The following KIFC3 variants were observed in gnomAD, a reference collection of about 807,000 sequenced individuals.
The protein encoded by KIFC3 is kinesin family member C3, also known as kinesin-like protein KIFC3.
Under a neutral mutation model 101.8 loss-of-function variants are expected in KIFC3, and 60 were observed. The observed-to-expected ratio is 0.59, with a 90% CI of 0.48 to 0.73. The LOEUF (loss-of-function observed/expected upper bound fraction) is 0.73. Among genes scored for constraint, KIFC3 ranks in the 30% least tolerant of loss-of-function variants. The pLI is 0.00. For missense variants in KIFC3, 966 were observed against 1,137.1 expected, an observed-to-expected ratio of 0.85 and a Z score of 2.16; for synonymous variants, 476 against 482.7, an observed-to-expected ratio of 0.99 and a Z score of 0.18.
chr16:57,823,761 T>TTGTGTGTGTGTGTG (rs542476459), intron 1 of KIFC3, among the ~76,000 whole-genome samples: 7,368 of 136,528 alleles, frequency 0.054, 286 homozygotes, highest in Non-Finnish European at 0.071. Context: ...CCCGGCTACT[T>TTGTGTGTGTGTGTG]TGTGTGTGTG....
chr16:57,853,568 G>A (rs1003326223), intron 1 of KIFC3, among the ~76,000 whole-genome samples: 2 of 152,290 alleles, frequency 1.3e-5, no homozygotes, highest in African/African-American at 2.4e-5. Context: ...ATCACATTAA[G>A]TGTAAATAGT....
At chr16:57,819,685 T>G (rs2055311014) in intron 1 of KIFC3, among the ~76,000 whole-genome samples, 1 of 152,022 alleles carries the variant, frequency 6.6e-6, no homozygotes, top group Admixed American at 6.6e-5. Context: ...CTCAGCCTCC[T>G]GAGTAGCTAG....
chr16:57,785,646 T>C, intron 3 of KIFC3: 1 of 1,253,206 alleles, frequency 8.0e-7, no homozygotes, highest in Non-Finnish European at 1.0e-6. Context: ...GAGCACCTCC[T>C]GCTGCCAAAG....
chr16:57,855,192 T>C (rs1045095027), intron 1 of KIFC3, among the ~76,000 whole-genome samples: 7 of 150,964 alleles, frequency 4.6e-5, no homozygotes, highest in Admixed American at 2.0e-4. Flanking sequence ...TGGTGTCATC[T>C]TGGCTCACTG....
chr16:57,850,678 G>T (rs543126150), intron 1 of KIFC3, among the ~76,000 whole-genome samples: 1 of 151,868 alleles, frequency 6.6e-6, no homozygotes, highest in South Asian at 2.1e-4. Flanking sequence ...GTCTTGCCAT[G>T]TTGGCCAGGC....
At chr16:57,785,201 T>C (rs2053186574) in intron 3 of KIFC3, among the ~76,000 whole-genome samples, 1 of 152,028 alleles carries the variant, frequency 6.6e-6, no homozygotes, top group African/African-American at 2.4e-5. Flanking sequence ...TGGCCCCTGG[T>C]AACCGCAAGG....
At position 57,769,452 on chromosome 16, in the gene KIFC3, G is replaced by T; in HGVS notation, c.1218+143C>A. 1.0e-6 allele frequency: 1 copy of T among 990,814 alleles called. No individual in the cohort carries two copies. The allele number at this position is 990,814 out of a possible 1,614,324, so 61.4% of individuals were successfully genotyped here. On this transcript the variant is annotated intron_variant, in intron 9 of 19. Coordinates refer to ENST00000445690, the MANE Select transcript of KIFC3 (RefSeq NM_001130100.2). This position sits in a 1 kb window ranked among gnomAD's most constrained non-coding sequence, Gnocchi z 4.3. Reference sequence around the variant, plus strand: ...GTTTCAAACAGGGCCTATAAGGGCAGCAGTAAGTGTCATGGGGGGTGGGGC... The same window carrying T: ...GTTTCAAACAGGGCCTATAAGGGCATCAGTAAGTGTCATGGGGGGTGGGGC...
chr16:57,792,062 G>A (rs1354203301), intron 3 of KIFC3, among the ~76,000 whole-genome samples: 8 of 152,194 alleles, frequency 5.3e-5, no homozygotes, highest in Non-Finnish European at 7.3e-5. Flanking sequence ...TCCCCTTGAA[G>A]GGTATGTGTT....
At chr16:57,815,499 C>G in intron 1 of KIFC3, 2 of 1,260,204 alleles carry the variant, frequency 1.6e-6, no homozygotes, top group Non-Finnish European at 2.1e-6. Flanking sequence ...CCTGGCTGAT[C>G]TGGGACCACA....
At position 57,758,540 on chromosome 16, in the gene KIFC3, C is replaced by T. The variant is rs782262046; in HGVS notation, c.*394G>A. ...CTGCCCAGAGGCTCCTCGCCCACCC[C>T]CTAAGGAGGGGGCTGGCCAGCTCTG... On this transcript the variant is annotated 3_prime_UTR_variant, in exon 20 of 20. Transcript: ENST00000445690. 6.7e-6 allele frequency: 4 copies of T among 597,100 alleles called. No homozygotes were observed. Among genetic ancestry groups the T allele is most frequent in the African/African-American group, 3.6e-5 (2 of 54,888 alleles). 37.0% of individuals were successfully genotyped at this position (597,100 alleles called of 1,614,324 possible). A position where few individuals can be genotyped will look rare whatever the true frequency, so the allele number is the denominator to read the frequency against.
intron 9 of KIFC3, among the ~76,000 whole-genome samples, chr16:57,768,734 A>C (rs2050794131): frequency 6.6e-6 from 1 of 152,234 alleles, no homozygotes; most frequent in African/African-American, 2.4e-5. Context: ...AAAATATATT[A>C]GTCTTTGCAA....
At chr16:57,826,094 T>C (rs149228764) in intron 1 of KIFC3, among the ~76,000 whole-genome samples, 2,393 of 152,364 alleles carry the variant, frequency 0.016, 28 homozygotes, top group Non-Finnish European at 0.024. Flanking sequence ...CTCCCTCCTC[T>C]GAGGGAATCA....
At chr16:57,816,443 A>G (rs1240569634) in intron 1 of KIFC3, 1 of 468,990 alleles carries the variant, frequency 2.1e-6, no homozygotes, top group Non-Finnish European at 4.2e-6. Flanking sequence ...TTTGGCCGCC[A>G]CAGGGGAAAC....
chr16:57,792,004 C>T (rs566234055), intron 3 of KIFC3, among the ~76,000 whole-genome samples: 212 of 152,340 alleles, frequency 1.4e-3, no homozygotes, highest in Non-Finnish European at 2.1e-3. Flanking sequence ...GGGGCTGGGA[C>T]AACAAGCTAC....
chr16:57,842,210 AT>A (rs1472014520), intron 1 of KIFC3, among the ~76,000 whole-genome samples: 2 of 152,042 alleles, frequency 1.3e-5, no homozygotes, highest in East Asian at 3.9e-4. Flanking sequence ...AAAAAAAAAA[AT>A]AAAAAATCTC....
At chr16:57,834,462 A>G (rs1449890815) in intron 1 of KIFC3, among the ~76,000 whole-genome samples, 1 of 152,232 alleles carries the variant, frequency 6.6e-6, no homozygotes, top group Non-Finnish European at 1.5e-5. Context: ...AAAGTGTTAA[A>G]ATTCTGAAGT....
At chr16:57,849,834 T>G (rs1167592995) in intron 1 of KIFC3, among the ~76,000 whole-genome samples, 2 of 152,096 alleles carry the variant, frequency 1.3e-5, no homozygotes, top group Non-Finnish European at 2.9e-5. Context: ...ACCTGGAATG[T>G]GGAGGTTGCA....
intron 3 of KIFC3, among the ~76,000 whole-genome samples, chr16:57,773,376 C>T (rs1220281477): frequency 1.3e-5 from 2 of 152,192 alleles, no homozygotes; most frequent in Non-Finnish European, 2.9e-5. Context: ...GCGGCCACCA[C>T]GTACTCTCCT....
At chr16:57,804,471 G>T (rs368549381), upstream of KIFC3, among the ~76,000 whole-genome samples, 3 of 152,184 alleles carry the variant, frequency 2.0e-5, no homozygotes, top group Non-Finnish European at 4.4e-5. Flanking sequence ...ATGCATATGG[G>T]TATAACAACT....
Sources: gnomAD v4.1 joint callset for allele counts (sites outside exome capture counted in the v4.1 genomes callset) on GRCh38, gnomAD v4.1.1 for gene constraint, Gnocchi (gnomAD v3.1) non-coding constraint, MANE v1.5 for transcripts, NCBI Gene and HGNC (gene_info 2026-07-23, HGNC 2026-07-21) for gene names.